PARD3B: variants seen among roughly 807,000 people sequenced by gnomAD.
PARD3B encodes partitioning defective 3 homolog B.
In PARD3B, 103 loss-of-function variants were observed where a neutral mutation model predicts 130.2. That is an observed-to-expected ratio of 0.79 (90% confidence interval 0.67 to 0.93). The LOEUF (loss-of-function observed/expected upper bound fraction) is 0.93, where lower values mean the gene tolerates loss of function less well. Among genes scored for constraint, PARD3B ranks in the 40% least tolerant of loss-of-function variants. PARD3B has a pLI of 0.00. For synonymous variants in PARD3B, 583 were observed against 553.2 expected (o/e 1.05, Z -0.76); for missense variants, 1,609 against 1,499.2 (o/e 1.07, Z -1.21).
At chr2:204,556,769 T>C (rs2030951478) in intron 1 of PARD3B, among the ~76,000 whole-genome samples, 2 of 152,204 alleles carry the variant, frequency 1.3e-5, no homozygotes, top group Admixed American at 1.3e-4. Flanking sequence ...TAAAAATATG[T>C]GTATAAACTT....
At position 204,612,356 on chromosome 2, in the gene PARD3B, G is replaced by A. The variant is rs992033457; in HGVS notation, c.120+66237G>A. ...CATATAGCCCAAGGAGTATAGACCT[G>A]TAGGTGGACTGCATCAGCCTGCGGG... On this transcript the variant is annotated intron_variant, in intron 1 of 22. Coordinates refer to ENST00000406610, the MANE Select transcript of PARD3B (RefSeq NM_001302769.2). Among the ~76,000 whole-genome samples the A allele has an allele frequency of 2.0e-5, 3 of 152,326 alleles. No individual in the cohort carries two copies. In the South Asian group the frequency reaches 6.2e-4, roughly 32 times the overall value.
At chr2:204,750,091 G>A (rs1394024665) in intron 2 of PARD3B, among the ~76,000 whole-genome samples, 1 of 152,178 alleles carries the variant, frequency 6.6e-6, no homozygotes, top group African/African-American at 2.4e-5. Context: ...GCCAATATAT[G>A]CAGCTTTGAA....
At chr2:205,025,247 A>G (rs1696927773) in intron 3 of PARD3B, among the ~76,000 whole-genome samples, 1 of 152,186 alleles carries the variant, frequency 6.6e-6, no homozygotes, top group African/African-American at 2.4e-5. Context: ...TCTGTATGCC[A>G]GTGATTGCAT....
At chr2:204,621,282 G>A (rs2034294160) in intron 1 of PARD3B, among the ~76,000 whole-genome samples, 1 of 152,030 alleles carries the variant, frequency 6.6e-6, no homozygotes, top group Non-Finnish European at 1.5e-5. Flanking sequence ...CAGGACATCT[G>A]TGGATGTGTA....
chr2:205,417,323 A>G (rs908863572), intron 19 of PARD3B, among the ~76,000 whole-genome samples: 1 of 151,962 alleles, frequency 6.6e-6, no homozygotes, highest in Non-Finnish European at 1.5e-5. Context: ...TTAATCCAGT[A>G]TATCATTGAT....
chr2:204,924,584 A>G (rs12990506), intron 2 of PARD3B, among the ~76,000 whole-genome samples: 36,110 of 152,054 alleles, frequency 0.24, 4,736 homozygotes, highest in Non-Finnish European at 0.3. Context: ...CCTCTCAAAT[A>G]TCTTCTGAAA....
chr2:204,565,175 A>G (rs868410380), intron 1 of PARD3B, among the ~76,000 whole-genome samples: 1 of 152,196 alleles, frequency 6.6e-6, no homozygotes, highest in Non-Finnish European at 1.5e-5. Flanking sequence ...TCTTTCCTAG[A>G]GGTCACCTGC....
At chr2:205,212,589 A>C (rs1350231577) in intron 15 of PARD3B, among the ~76,000 whole-genome samples, 2 of 152,118 alleles carry the variant, frequency 1.3e-5, no homozygotes, top group Non-Finnish European at 2.9e-5. Context: ...CAGGGCAGAG[A>C]AGTGTCCACA....
intron 21 of PARD3B, among the ~76,000 whole-genome samples, chr2:205,516,675 C>T (rs1198268260): frequency 2.6e-5 from 4 of 152,100 alleles, no homozygotes; most frequent in African/African-American, 9.7e-5. Context: ...TGGGTTGAGA[C>T]TATAGGGTTC....
chr2:204,817,007 G>C (rs1162046138), intron 2 of PARD3B, among the ~76,000 whole-genome samples: 1 of 151,910 alleles, frequency 6.6e-6, no homozygotes, highest in Non-Finnish European at 1.5e-5. Flanking sequence ...TGTCTAACCT[G>C]CTGTTCATTC....
intron 11 of PARD3B, among the ~76,000 whole-genome samples, chr2:205,169,382 G>T (rs1347540551): frequency 1.3e-5 from 2 of 152,100 alleles, no homozygotes; most frequent in African/African-American, 4.8e-5. Flanking sequence ...GTGTCATTCT[G>T]CATGCTTGAG....
At chr2:205,401,229 G>C (rs1353601942) in intron 19 of PARD3B, 106 bp downstream of exon 19, 4 of 857,478 alleles carry the variant, frequency 4.7e-6, no homozygotes, top group East Asian at 2.7e-5. Flanking sequence ...GAAGTATAGG[G>C]GTTGACCGAT....
chr2:205,006,912 C>A (rs375557666), intron 3 of PARD3B, among the ~76,000 whole-genome samples: 14 of 152,034 alleles, frequency 9.2e-5, no homozygotes, highest in African/African-American at 3.4e-4. Context: ...AAGCATTTTC[C>A]GACGTTATCT....
At chr2:204,589,178 A>G (rs2032967990) in intron 1 of PARD3B, among the ~76,000 whole-genome samples, 1 of 152,164 alleles carries the variant, frequency 6.6e-6, no homozygotes, top group South Asian at 2.1e-4. Context: ...CATAGTTAGG[A>G]CAGAACATAA....
intron 2 of PARD3B, among the ~76,000 whole-genome samples, chr2:204,730,003 ACAC>A (rs2039429597): frequency 1.6e-5 from 2 of 126,024 alleles, no homozygotes; most frequent in African/African-American, 8.9e-5. Context: ...ACACAAACAC[ACAC>A]ACACACACAC....
intron 18 of PARD3B, among the ~76,000 whole-genome samples, chr2:205,394,583 A>T (rs944796432): frequency 6.6e-6 from 1 of 152,126 alleles, no homozygotes; most frequent in African/African-American, 2.4e-5. Context: ...GATGGAGACA[A>T]CCCCAAATGT....
At chr2:205,560,162 T>A (rs2053078382) in intron 22 of PARD3B, among the ~76,000 whole-genome samples, 1 of 152,228 alleles carries the variant, frequency 6.6e-6, no homozygotes, top group South Asian at 2.1e-4. Context: ...CCACCTTGAC[T>A]AAGGTTATGA....
chr2:204,854,810 C>T lies in PARD3B; in HGVS notation c.223-110342C>T, dbSNP rs1473860585. 2.6e-5 allele frequency among the ~76,000 whole-genome samples: 4 copies of T among 152,080 alleles called. No individual in the cohort carries two copies. The East Asian group carries it at 5.8e-4, about 22-fold the overall frequency. On this transcript the variant is annotated intron_variant, in intron 2 of 22. Coordinates refer to ENST00000406610, the MANE Select transcript of PARD3B (RefSeq NM_001302769.2). ...AGCTGTGTTGTCTGGGATATACACCCTGGGGTTCATCACTGCGCGCCAGGA... is the reference window on the plus strand; with the variant it reads ...AGCTGTGTTGTCTGGGATATACACCTTGGGGTTCATCACTGCGCGCCAGGA...
chr2:204,622,987 C>G (rs901319624), intron 1 of PARD3B, among the ~76,000 whole-genome samples: 17 of 151,812 alleles, frequency 1.1e-4, no homozygotes, highest in African/African-American at 4.1e-4. Flanking sequence ...TGATATATGC[C>G]TCTTTCATTT....
Sources: gnomAD v4.1 joint callset for allele counts (sites outside exome capture counted in the v4.1 genomes callset) on GRCh38, gnomAD v4.1.1 for gene constraint, MANE v1.5 for transcripts, NCBI Gene and HGNC (gene_info 2026-07-23, HGNC 2026-07-21) for gene names.